The following IRAK1BP1 variants were observed in gnomAD, a reference collection of about 807,000 sequenced individuals.
IRAK1BP1 encodes interleukin 1 receptor associated kinase 1 binding protein 1, also known as interleukin-1 receptor-associated kinase 1-binding protein 1.
Under a neutral mutation model 28.0 loss-of-function variants are expected in IRAK1BP1, and 24 were observed. The ratio of observed to expected loss-of-function variants is 0.86; its 90% CI spans 0.62 to 1.20. The LOEUF is 1.20. Ranked by LOEUF, IRAK1BP1 falls within the 50% of genes most tolerant of loss-of-function variation. IRAK1BP1 has a pLI of 0.00. For synonymous variants in IRAK1BP1, 131 were observed against 116.3 expected (o/e 1.13, Z -0.81); for missense variants, 336 against 316.7 (o/e 1.06, Z -0.46).
intron 4 of IRAK1BP1, chr6:78,939,059 G>C (rs1278537618): frequency 2.0e-5 from 3 of 151,508 alleles, no homozygotes; most frequent in African/African-American, 7.3e-5. Context: ...CCAGTCCTCA[G>C]AAAATACTAC....
downstream of IRAK1BP1, chr6:78,903,147 C>A: frequency 3.6e-6 from 4 of 1,113,220 alleles, no homozygotes; most frequent in African/African-American, 1.6e-5. Flanking sequence ...AAAAAGAAGA[C>A]TAAGAAAAAG....
chr6:78,961,583 T>G, the IRAK1BP1 span: 1 of 1,010,794 alleles, frequency 9.9e-7, no homozygotes. Context: ...CATAATCTTA[T>G]GTGCATTCCT....
chr6:78,942,377 G>A (rs1301675571), intron 4 of IRAK1BP1, among the ~76,000 whole-genome samples: 3 of 152,180 alleles, frequency 2.0e-5, no homozygotes, highest in Admixed American at 1.3e-4. Context: ...CAGCTACTCA[G>A]GGGGCTGAGG....
chr6:78,913,064 G>C (rs892635390), intron 4 of IRAK1BP1, among the ~76,000 whole-genome samples: 2 of 152,046 alleles, frequency 1.3e-5, no homozygotes, highest in Admixed American at 6.6e-5. Context: ...GGCCGGGTGC[G>C]GTAGCTCACG....
downstream of IRAK1BP1, chr6:78,946,562 T>C (rs1773830206): frequency 5.0e-6 from 7 of 1,387,920 alleles, no homozygotes; most frequent in East Asian, 2.7e-5. Context: ...AGTTAAAAGA[T>C]TAAAAATCCT....
downstream of IRAK1BP1, among the ~76,000 whole-genome samples, chr6:78,903,542 A>G (rs1772177369): frequency 6.6e-6 from 1 of 152,150 alleles, no homozygotes; most frequent in South Asian, 2.1e-4. Flanking sequence ...AATTAACAAG[A>G]CAATATTAGT....
the IRAK1BP1 span, among the ~76,000 whole-genome samples, chr6:78,952,010 T>A: frequency 6.6e-6 from 1 of 152,242 alleles, no homozygotes; most frequent in Non-Finnish European, 1.5e-5. Flanking sequence ...ACTGTTTCAA[T>A]ATTTTCTTTT....
chr6:78,974,715 C>A, the IRAK1BP1 span, among the ~76,000 whole-genome samples: 1 of 152,072 alleles, frequency 6.6e-6, no homozygotes, highest in African/African-American at 2.4e-5. Context: ...CACAGAAATA[C>A]AAACTACCAT....
intron 4 of IRAK1BP1, among the ~76,000 whole-genome samples, chr6:78,925,081 A>T (rs1772850144): frequency 6.6e-6 from 1 of 152,110 alleles, no homozygotes; most frequent in Non-Finnish European, 1.5e-5. Context: ...GAAAAAACCA[A>T]ACACGCACGT....
chr6:78,911,903 G>A (rs1343460607), intron 4 of IRAK1BP1, among the ~76,000 whole-genome samples: 1 of 152,140 alleles, frequency 6.6e-6, no homozygotes, highest in African/African-American at 2.4e-5. Context: ...GTTGTTGTTG[G>A]TTTTTGTCTC....
At chr6:78,932,606 A>G (rs1420424930) in intron 4 of IRAK1BP1, among the ~76,000 whole-genome samples, 1 of 151,386 alleles carries the variant, frequency 6.6e-6, no homozygotes, top group Non-Finnish European at 1.5e-5. Flanking sequence ...TTTAGTAGAG[A>G]CGGGGTTTCA....
downstream of IRAK1BP1, among the ~76,000 whole-genome samples, chr6:78,951,023 A>G (rs1388956361): frequency 3.9e-5 from 6 of 152,100 alleles, no homozygotes; most frequent in Non-Finnish European, 8.8e-5. Context: ...TGCATCCTAC[A>G]AATTTTGATA....
chr6:78,911,185 C>T (rs1201733054), intron 4 of IRAK1BP1, among the ~76,000 whole-genome samples: 1 of 152,068 alleles, frequency 6.6e-6, no homozygotes, highest in Non-Finnish European at 1.5e-5. Context: ...ACCGGGCCAC[C>T]TCCCCCGCAA....
chr6:78,924,978 C>G (rs1425068866), intron 4 of IRAK1BP1, among the ~76,000 whole-genome samples: 2 of 152,092 alleles, frequency 1.3e-5, no homozygotes, highest in Admixed American at 6.5e-5. Flanking sequence ...CCATGAAATC[C>G]TATGCAGCCA....
chr6:78,877,678 G>C (rs147480891), intron 1 of IRAK1BP1, among the ~76,000 whole-genome samples: 1 of 152,306 alleles, frequency 6.6e-6, no homozygotes, highest in East Asian at 1.9e-4. Flanking sequence ...AGCGTGAGCC[G>C]AAGCAGGGCG....
intron 4 of IRAK1BP1, among the ~76,000 whole-genome samples, chr6:78,930,274 T>C (rs960755304): frequency 6.6e-6 from 1 of 152,188 alleles, no homozygotes; most frequent in East Asian, 1.9e-4. Context: ...TTGAACATAA[T>C]TTCAAAGATC....
chr6:78,869,387 G>A (rs924936617), intron 1 of IRAK1BP1, among the ~76,000 whole-genome samples: 1 of 152,292 alleles, frequency 6.6e-6, no homozygotes, highest in Non-Finnish European at 1.5e-5. Flanking sequence ...GGGCATGGTG[G>A]CACAGTCCTG....
At chr6:78,926,271 C>T (rs1182551675) in intron 4 of IRAK1BP1, among the ~76,000 whole-genome samples, 1 of 152,092 alleles carries the variant, frequency 6.6e-6, no homozygotes, top group African/African-American at 2.4e-5. Context: ...GGAGATTTTC[C>T]AAATAACTTA....
At position 78,898,795 on chromosome 6, in the gene IRAK1BP1, C is replaced by T. The variant is rs941977357; in HGVS notation, c.*461C>T. ...GACAAAATTTTTATGGAAAAGAATT[C>T]CTATATCCCATCAAACCTAATAATT... On this transcript the variant is annotated 3_prime_UTR_variant, in exon 4 of 4. Transcript: ENST00000369940. 6.6e-6 allele frequency: 1 copy of T among 151,822 alleles called. No homozygotes were observed. Among genetic ancestry groups the T allele is most frequent in the Non-Finnish European group, 1.5e-5 (1 of 67,948 alleles). The allele number at this position is 151,822 out of a possible 1,614,324, so 9.4% of individuals were successfully genotyped here.
Sources: allele counts gnomAD v4.1 joint callset (sites outside exome capture counted in the v4.1 genomes callset), GRCh38; gene constraint gnomAD v4.1.1; transcripts MANE v1.5; gene names NCBI Gene and HGNC (gene_info 2026-07-23, HGNC 2026-07-21).